Variants in MALRD1 observed in about 807,000 individuals in gnomAD.
The protein encoded by MALRD1 is MAM and LDL-receptor class A domain-containing protein 1.
MALRD1 carries 247 observed loss-of-function variants against 242.1 expected under a neutral mutation model. That is an observed-to-expected ratio of 1.02 (90% CI 0.92 to 1.13). The LOEUF (loss-of-function observed/expected upper bound fraction) is 1.13. Ranked by LOEUF, MALRD1 falls within the 50% of genes most tolerant of loss-of-function variation. The probability of loss-of-function intolerance (pLI) is 0.00; values close to 1 mark genes in which losing one functional copy is unlikely to be tolerated. For synonymous variants in MALRD1, 995 were observed against 866.6 expected, an observed-to-expected ratio of 1.15 and a Z score of -2.60; for missense variants, 2,989 against 2,533.1, an observed-to-expected ratio of 1.18 and a Z score of -3.86.
At chr10:19,615,332 A>G (rs11814469) in intron 35 of MALRD1, among the ~76,000 whole-genome samples, 9,493 of 151,706 alleles carry the variant, frequency 0.063, 954 homozygotes, top group African/African-American at 0.21. Context: ...AGACTGGACA[A>G]CAATGGCAAG....
intron 36 of MALRD1, among the ~76,000 whole-genome samples, chr10:19,626,619 T>G (rs1268252373): frequency 6.6e-6 from 1 of 151,892 alleles, no homozygotes; most frequent in Non-Finnish European, 1.5e-5. Context: ...ACAGCAGCAA[T>G]TATTATAATA....
At chr10:19,075,572 G>A (rs941547839) in intron 2 of MALRD1, among the ~76,000 whole-genome samples, 4 of 152,036 alleles carry the variant, frequency 2.6e-5, no homozygotes, top group African/African-American at 7.2e-5. Context: ...CAGCAAAGAC[G>A]CAGGGATCTC....
chr10:19,489,386 G>A, intron 29 of MALRD1: 1 of 550,424 alleles, frequency 1.8e-6, no homozygotes, highest in Non-Finnish European at 3.6e-6. Flanking sequence ...AGGAGAGAAA[G>A]TAGCCAAGTC....
At chr10:19,169,845 T>C (rs188021265) in intron 13 of MALRD1, among the ~76,000 whole-genome samples, 72 of 152,340 alleles carry the variant, frequency 4.7e-4, no homozygotes, top group Admixed American at 2.2e-3. Context: ...AGGGTGACCT[T>C]AGTCATTGTC....
At chr10:19,380,859 T>C (rs1210843515) in intron 26 of MALRD1, among the ~76,000 whole-genome samples, 1 of 152,286 alleles carries the variant, frequency 6.6e-6, no homozygotes, top group Non-Finnish European at 1.5e-5. Context: ...CTTAGGTTTT[T>C]CTTCTAGGAT....
At position 19,068,551 on chromosome 10, in the gene MALRD1, A is replaced by G. The variant is rs569784095; in HGVS notation, c.340+1692A>G. On this transcript the variant is annotated intron_variant, in intron 2 of 39. Coordinates refer to ENST00000454679, the MANE Select transcript of MALRD1 (RefSeq NM_001142308.3). ...ATAATGCAAGCTGCATAGGAAAAAGAGACAAAATATTGCCTGCATAACTAA... is the reference window on the plus strand; with the variant it reads ...ATAATGCAAGCTGCATAGGAAAAAGGGACAAAATATTGCCTGCATAACTAA... 5.9e-5 allele frequency among the ~76,000 whole-genome samples: 9 copies of G among 152,240 alleles called. No individual in the cohort carries two copies. The East Asian group carries it at 1.7e-3, about 29-fold the overall frequency.
At chr10:19,490,609 G>A (rs1377958239) in intron 29 of MALRD1, among the ~76,000 whole-genome samples, 1 of 151,876 alleles carries the variant, frequency 6.6e-6, no homozygotes, top group Non-Finnish European at 1.5e-5. Context: ...ACTAACTGAG[G>A]TAGCAGGACT....
chr10:19,547,032 T>C (rs1301138915), intron 32 of MALRD1, among the ~76,000 whole-genome samples: 1 of 152,194 alleles, frequency 6.6e-6, no homozygotes. Flanking sequence ...GAAGGTGTTT[T>C]GAAGGCATTC....
intron 28 of MALRD1, among the ~76,000 whole-genome samples, chr10:19,423,971 G>A (rs904213825): frequency 6.6e-6 from 1 of 152,046 alleles, no homozygotes; most frequent in Admixed American, 6.6e-5. Flanking sequence ...TTACAGAGAT[G>A]ACATGTACAA....
chr10:19,612,927 G>A (rs1368623604), intron 35 of MALRD1, among the ~76,000 whole-genome samples: 3 of 151,940 alleles, frequency 2.0e-5, no homozygotes, highest in African/African-American at 7.2e-5. Flanking sequence ...ATAAGATTTG[G>A]ATAGGGACAC....
chr10:19,233,763 G>C (rs528224008), intron 18 of MALRD1, among the ~76,000 whole-genome samples: 1 of 152,076 alleles, frequency 6.6e-6, no homozygotes, highest in Non-Finnish European at 1.5e-5. Flanking sequence ...GTGCTAATTT[G>C]TTTCAATTTG....
intron 14 of MALRD1, among the ~76,000 whole-genome samples, chr10:19,181,007 A>G (rs569635695): frequency 2.0e-5 from 3 of 152,140 alleles, no homozygotes; most frequent in Admixed American, 2.0e-4. Context: ...CAAATCCAAA[A>G]CTCTTTTAGA....
At position 19,714,409 on chromosome 10, in the gene MALRD1, G is replaced by T. The variant is rs74119737; in HGVS notation, c.6315-16297G>T. Among the ~76,000 whole-genome samples, 384 of 152,180 alleles carry T rather than the reference G, an allele frequency of 2.5e-3. 4 individuals are homozygous for T. The highest frequency in any genetic ancestry group is 9.1e-3 in the African/African-American group (376 of 41,536). On this transcript the variant is annotated intron_variant, in intron 38 of 39. Coordinates refer to ENST00000454679, the MANE Select transcript of MALRD1 (RefSeq NM_001142308.3). ...TACCGGCTTCTGCTGATGTCTGTTT[G>T]GGTGTTCTTCCACCAGAGTGTTCCT...
intron 21 of MALRD1, among the ~76,000 whole-genome samples, chr10:19,283,772 C>G (rs913774355): frequency 4.6e-5 from 7 of 152,182 alleles, no homozygotes; most frequent in African/African-American, 1.7e-4. Context: ...AATCTGTTCT[C>G]AACTTTCTCA....
chr10:19,671,045 A>AT (rs1478264106), intron 36 of MALRD1, among the ~76,000 whole-genome samples: 2 of 151,930 alleles, frequency 1.3e-5, no homozygotes, highest in Non-Finnish European at 2.9e-5. Flanking sequence ...CGCCTGGCTA[A>AT]TTTTTTTATT....
chr10:19,078,417 A>G (rs573473118), intron 2 of MALRD1, among the ~76,000 whole-genome samples: 1 of 151,952 alleles, frequency 6.6e-6, no homozygotes, highest in African/African-American at 2.4e-5. Context: ...CCGCTTGACC[A>G]TGGCGAAAAA....
intron 2 of MALRD1, among the ~76,000 whole-genome samples, chr10:19,071,891 C>T (rs184685943): frequency 3.4e-4 from 52 of 152,232 alleles, no homozygotes; most frequent in African/African-American, 1.3e-3. Flanking sequence ...TTATTCCTTT[C>T]TATATTTACT....
chr10:19,718,030 AAAGAGGAAGAAG>A (rs199915394), intron 38 of MALRD1, among the ~76,000 whole-genome samples: 15,381 of 148,002 alleles, frequency 0.1, 1,335 homozygotes, highest in African/African-American at 0.23. Flanking sequence ...ATAAATAAAT[AAAGAGGAAGAAG>A]AAGAGGAAGA....
chr10:19,605,489 T>C (rs1214403389), intron 34 of MALRD1, among the ~76,000 whole-genome samples: 5 of 148,792 alleles, frequency 3.4e-5, no homozygotes, highest in Middle Eastern at 3.5e-3. Flanking sequence ...TTCTTTCTTT[T>C]TTTTTTTTTT....
Sources: gnomAD v4.1 joint callset for allele counts (sites outside exome capture counted in the v4.1 genomes callset) on GRCh38, gnomAD v4.1.1 for gene constraint, MANE v1.5 for transcripts, NCBI Gene and HGNC (gene_info 2026-07-23, HGNC 2026-07-21) for gene names.